TRIM25: variants seen among roughly 807,000 people sequenced by gnomAD.
TRIM25 encodes tripartite motif containing 25, also known as E3 ubiquitin/ISG15 ligase TRIM25.
A neutral mutation model predicts 65.2 loss-of-function variants in TRIM25; 45 were observed. That is an observed-to-expected ratio of 0.69 (90% CI 0.54 to 0.89). The LOEUF (loss-of-function observed/expected upper bound fraction) is 0.89. Ranked by LOEUF, TRIM25 falls within the 40% of genes least tolerant of loss-of-function variation. The pLI, the probability that TRIM25 is intolerant of heterozygous loss-of-function variation, is 0.00. For synonymous variants in TRIM25, 321 were observed against 340.4 expected (o/e 0.94, Z 0.63); for missense variants, 714 against 803.7 (o/e 0.89, Z 1.35).
chr17:56,890,069 G>T lies in TRIM25; in HGVS notation c.*1631C>A, dbSNP rs905898280. ...AGAGTGCCCTAGAGTTCCAGCACGA[G>T]GCCTGAGATGCATTACATTCTCAAA... On this transcript the variant is annotated 3_prime_UTR_variant, in exon 9 of 9. Transcript: ENST00000316881. 3 of 396,478 alleles carry T rather than the reference G, an allele frequency of 7.6e-6. No individual in the cohort carries two copies. Among genetic ancestry groups the T allele is most frequent in the South Asian group, 1.1e-4 (1 of 9,492 alleles). 24.6% of individuals were successfully genotyped at this position (396,478 alleles called of 1,614,324 possible).
At chr17:56,899,278 A>C (rs1909363009) in intron 4 of TRIM25, 98 bp from the exon 5 acceptor site, 2 of 1,229,562 alleles carry the variant, frequency 1.6e-6, no homozygotes, top group Admixed American at 1.9e-5. Flanking sequence ...GGGTTTACAC[A>C]GACAGCCATT....
At chr17:56,909,289 C>G (rs544758264) in intron 1 of TRIM25, among the ~76,000 whole-genome samples, 1 of 152,116 alleles carries the variant, frequency 6.6e-6, no homozygotes, top group African/African-American at 2.4e-5. Flanking sequence ...TCTGCCAATC[C>G]CAGAACAAGG....
At chr17:56,904,063 A>G (rs1345185487) in intron 3 of TRIM25, among the ~76,000 whole-genome samples, 192 bp downstream of exon 3, 1 of 152,150 alleles carries the variant, frequency 6.6e-6, no homozygotes, top group East Asian at 1.9e-4. Context: ...GAGAGAATAA[A>G]TATGTGTTTT....
chr17:56,898,423 C>T (rs996690884), intron 5 of TRIM25, among the ~76,000 whole-genome samples: 2 of 152,154 alleles, frequency 1.3e-5, no homozygotes, highest in African/African-American at 2.4e-5. Flanking sequence ...CCTGTGGCCT[C>T]GATATCACTA....
rs184755477 is a variant in TRIM25, at chr17:56,889,165, C to T, written c.*2535G>A. ...GAGTACTTAAAACAGGAATAATCAG[C>T]TACCACATCTTGAAAAATACAAAGA... On this transcript the variant is annotated 3_prime_UTR_variant, in exon 9 of 9. Transcript: ENST00000316881. The T allele has an allele frequency of 6.6e-6, 1 of 152,256 alleles. No individual in the cohort carries two copies. Among genetic ancestry groups the T allele is most frequent in the East Asian group, 1.9e-4 (1 of 5,178 alleles). 9.4% of individuals were successfully genotyped at this position (152,256 alleles called of 1,614,324 possible).
At chr17:56,900,568 T>C (rs1472697512) in intron 4 of TRIM25, among the ~76,000 whole-genome samples, 1 of 152,198 alleles carries the variant, frequency 6.6e-6, no homozygotes, top group Non-Finnish European at 1.5e-5. Context: ...ATAAATGTAA[T>C]GTTTTGCTGA....
chr17:56,889,906 T>A lies in TRIM25; in HGVS notation c.*1794A>T. 2.5e-6 allele frequency: 1 copy of A among 398,862 alleles called. No homozygotes were observed. The highest frequency in any genetic ancestry group is 4.4e-6 in the Non-Finnish European group (1 of 226,284). The allele number at this position is 398,862 out of a possible 1,614,324, so 24.7% of individuals were successfully genotyped here. A position where few individuals can be genotyped will look rare whatever the true frequency, so the allele number is the denominator to read the frequency against. On this transcript the variant is annotated 3_prime_UTR_variant, in exon 9 of 9. Coordinates refer to ENST00000316881, the MANE Select transcript of TRIM25 (RefSeq NM_005082.5). ...CTTCTAAGGACCACATATCACCTAT[T>A]GCAGGGATGTCTTTCCTACAAAGAT...
chr17:56,904,936 T>C (rs1459267434), intron 2 of TRIM25, among the ~76,000 whole-genome samples: 2 of 152,184 alleles, frequency 1.3e-5, no homozygotes, highest in Non-Finnish European at 2.9e-5. Flanking sequence ...AGATCCACCA[T>C]ATGATGCTCT....
intron 5 of TRIM25, among the ~76,000 whole-genome samples, chr17:56,898,589 A>G (rs910168396): frequency 6.6e-6 from 1 of 152,208 alleles, no homozygotes; most frequent in Admixed American, 6.5e-5. Flanking sequence ...GTGTAAAAGC[A>G]CAAACATAAA....
In TRIM25 at chr17:56,891,845, C is replaced by G; in HGVS notation, c.1748G>C (p.Cys583Ser). 1 of 1,614,254 alleles carries G rather than the reference C, an allele frequency of 6.2e-7. No homozygotes were observed. Among genetic ancestry groups the G allele is most frequent in the Non-Finnish European group, 8.5e-7 (1 of 1,180,044 alleles). ...GAAGAAGATGACAAAGCCGTGGTCACAGTTGAGAAGCACGCCCACCCGCGT... is the reference window on the plus strand; with the variant it reads ...GAAGAAGATGACAAAGCCGTGGTCAGAGTTGAGAAGCACGCCCACCCGCGT... ...KATRVGVLLN[C>S]DHGFVIFFAV... Residue 583 changes from cysteine (C) to serine (S), a missense_variant, in exon 9 of 9, where the codon TGT becomes TCT. By Grantham distance (112) the Cys-to-Ser change is moderately radical. Transcript: ENST00000316881.
intron 5 of TRIM25, among the ~76,000 whole-genome samples, chr17:56,897,298 C>G (rs55796698): frequency 2.6e-5 from 4 of 151,986 alleles, no homozygotes; most frequent in African/African-American, 9.7e-5. Context: ...CAAAAAGGGG[C>G]GTTTTTGAAA....
In TRIM25 at chr17:56,908,472, A is replaced by T. The variant is rs201287182; in HGVS notation, c.689T>A (p.Val230Glu). The change falls in exon 2 of 9, where the codon GTG (valine) becomes GAG (glutamate). Residue 230 changes from valine to glutamate, a missense_variant. Physicochemically the swap from Val to Glu is moderately radical, Grantham distance 121. Coordinates refer to ENST00000316881, the MANE Select transcript of TRIM25 (RefSeq NM_005082.5). ...LDDVRNRQQD[V>E]RMTANRKVEQ... ...TTGGAGAGCCCTGCCACTCACCCGC[A>T]CATCCTGCTGCCTGTTTCTCACATC... The T allele has an allele frequency of 2.1e-4, 337 of 1,613,794 alleles. No homozygotes were observed. Among genetic ancestry groups the T allele is most frequent in the Middle Eastern group, 6.6e-4 (4 of 6,026 alleles).
At position 56,899,174 on chromosome 17, in the gene TRIM25, G is replaced by C. The variant is rs1323658875; in HGVS notation, c.1094C>G (p.Pro365Arg). The C allele has an allele frequency of 1.9e-6, 3 of 1,614,060 alleles. No individual in the cohort carries two copies. In the African/African-American group the frequency reaches 4.0e-5, roughly 22 times the overall value. Reference protein sequence around the residue: ...LQEPTPSSGDPGEHDPASTHK... With the variant: ...LQEPTPSSGDRGEHDPASTHK... ...TGTGGACGCTGGGTCATGCTCTCCA[G>C]GGTCACCTGTGTCAGAGAAGAAGGG... Residue 365 changes from proline to arginine, a missense_variant, in exon 5 of 9, where the codon CCT (proline) becomes CGT (arginine). Physicochemically the swap from Pro to Arg is moderately radical, Grantham distance 103. This residue lies in a region of TRIM25 where 413 missense variants were observed against 498.2 expected (regional missense o/e 0.83). Coordinates refer to ENST00000316881, the MANE Select transcript of TRIM25 (RefSeq NM_005082.5).
Position 56,891,568 on chromosome 17 carries a change from C to T in TRIM25, c.*132G>A, listed in dbSNP as rs972408157. On this transcript the variant is annotated 3_prime_UTR_variant, in exon 9 of 9. Coordinates refer to ENST00000316881, the MANE Select transcript of TRIM25 (RefSeq NM_005082.5). ...GGCTAAATCCCACCTCCCACCCTCC[C>T]GCCAGCTCCCCTCCCATGCTCCCAA... The T allele has an allele frequency of 1.4e-5, 12 of 851,634 alleles. 1 individual carries two copies. Among genetic ancestry groups the T allele is most frequent in the African/African-American group, 3.5e-5 (2 of 57,902 alleles). 52.8% of individuals were successfully genotyped at this position (851,634 alleles called of 1,614,324 possible). A position where few individuals can be genotyped will look rare whatever the true frequency, so the allele number is the denominator to read the frequency against.
At chr17:56,898,861 T>A (rs1909352022) in intron 5 of TRIM25, 1 of 482,982 alleles carries the variant, frequency 2.1e-6, no homozygotes, top group Admixed American at 3.5e-5. Context: ...AGGACTTGGG[T>A]ATAGTAAATA....
At position 56,891,879 on chromosome 17, in the gene TRIM25, T is replaced by A. The variant is rs758113639; in HGVS notation, c.1714A>T (p.Thr572Ser). Residue 572 changes from threonine to serine, a missense_variant, in exon 9 of 9, where the codon ACC becomes TCC. Physicochemically the swap from Thr to Ser is moderately conservative, Grantham distance 58. This residue lies in a region of TRIM25 where 413 missense variants were observed against 498.2 expected (regional missense o/e 0.83). Transcript: ENST00000316881. ...AGCACGCCCACCCGCGTGGCCTTGG[T>A]GGAGGGCAGGGTTTTCTCCACGTTA... ...HNNVEKTLPS[T>S]KATRVGVLLN... is the part of the protein sequence containing the mutation. 6.2e-7 allele frequency: 1 copy of A among 1,614,200 alleles called. No homozygotes were observed. The highest frequency in any genetic ancestry group is 2.2e-5 in the East Asian group (1 of 44,884).
chr17:56,902,857 C>T (rs953377093), intron 3 of TRIM25, among the ~76,000 whole-genome samples: 26 of 152,142 alleles, frequency 1.7e-4, no homozygotes, highest in Non-Finnish European at 7.3e-5. Flanking sequence ...CCCCATGCAC[C>T]GCTTGGTGCC....
intron 5 of TRIM25, among the ~76,000 whole-genome samples, chr17:56,897,781 G>A (rs887508131): frequency 6.6e-6 from 1 of 152,194 alleles, no homozygotes; most frequent in Non-Finnish European, 1.5e-5. Context: ...AGCTTTCAGA[G>A]GAAGGTGACT....
intron 1 of TRIM25, among the ~76,000 whole-genome samples, chr17:56,909,500 C>A (rs1909585902): frequency 6.6e-6 from 1 of 152,092 alleles, no homozygotes; most frequent in African/African-American, 2.4e-5. Context: ...GCTTGGGCAA[C>A]ATGGCAAAAC....
Sources: allele counts gnomAD v4.1 joint callset (sites outside exome capture counted in the v4.1 genomes callset), GRCh38; gene constraint gnomAD v4.1.1; regional missense constraint gnomAD v4.1.1; transcripts MANE v1.5; gene names NCBI Gene and HGNC (gene_info 2026-07-23, HGNC 2026-07-21).